SEMA3D: variants seen among roughly 807,000 people sequenced by gnomAD.
SEMA3D encodes the protein semaphorin-3D.
SEMA3D carries 84 observed loss-of-function variants against 100.1 expected under a neutral mutation model. That is an observed-to-expected ratio of 0.84 (90% CI 0.70 to 1.01). SEMA3D has a LOEUF of 1.01. Ranked by LOEUF, SEMA3D falls within the 50% of genes least tolerant of loss-of-function variation. The probability of loss-of-function intolerance (pLI) is 0.00; values close to 1 mark genes in which losing one functional copy is unlikely to be tolerated. For synonymous variants in SEMA3D, 312 were observed against 320.7 expected (o/e 0.97, Z 0.29); for missense variants, 875 against 934.1 (o/e 0.94, Z 0.82).
At chr7:85,162,740 C>T (rs1031040202) in intron 1 of SEMA3D, among the ~76,000 whole-genome samples, 1 of 152,062 alleles carries the variant, frequency 6.6e-6, no homozygotes, top group Admixed American at 6.6e-5. Flanking sequence ...GTCAAGTTTC[C>T]AGAAACTGAA....
intron 8 of SEMA3D, among the ~76,000 whole-genome samples, chr7:85,059,425 A>G (rs1791413334): frequency 6.6e-6 from 1 of 152,178 alleles, no homozygotes; most frequent in South Asian, 2.1e-4. Flanking sequence ...CTTCACAAAT[A>G]TGTGGGATTA....
At chr7:85,173,184 A>G (rs577619499) in intron 1 of SEMA3D, among the ~76,000 whole-genome samples, 79 of 152,192 alleles carry the variant, frequency 5.2e-4, no homozygotes, top group Admixed American at 1.1e-3. Context: ...ATATACATTG[A>G]ACATTTGAGG....
chr7:85,020,441 G>T (rs777098302), intron 13 of SEMA3D, 120 bp from the exon 14 acceptor site: 3 of 679,098 alleles, frequency 4.4e-6, no homozygotes, highest in Non-Finnish European at 7.6e-6. Flanking sequence ...TCAAAAAACA[G>T]ATTAAATGAA....
At chr7:85,147,446 G>A (rs1790249487) in intron 2 of SEMA3D, among the ~76,000 whole-genome samples, 1 of 151,842 alleles carries the variant, frequency 6.6e-6, no homozygotes, top group African/African-American at 2.4e-5. Flanking sequence ...CACCATGCCT[G>A]GCCTCTGTCA....
intron 9 of SEMA3D, among the ~76,000 whole-genome samples, chr7:85,043,167 G>A (rs1425668713): frequency 1.3e-5 from 2 of 152,022 alleles, no homozygotes; most frequent in African/African-American, 4.8e-5. Context: ...AGACCAGTAT[G>A]GTCAACATAG....
chr7:85,112,719 A>G (rs188479599), intron 3 of SEMA3D, among the ~76,000 whole-genome samples: 13 of 152,296 alleles, frequency 8.5e-5, no homozygotes, highest in Admixed American at 7.8e-4. Context: ...TGTGAGACTT[A>G]TACATGATAA....
intron 12 of SEMA3D, among the ~76,000 whole-genome samples, chr7:85,027,311 C>T (rs1016293672): frequency 2.6e-5 from 4 of 152,018 alleles, no homozygotes; most frequent in African/African-American, 9.7e-5. Context: ...TCAGACACAT[C>T]TACACGTATA....
At chr7:85,016,938 A>C (rs560796952) in intron 15 of SEMA3D, among the ~76,000 whole-genome samples, 17 of 151,582 alleles carry the variant, frequency 1.1e-4, no homozygotes, top group Middle Eastern at 3.4e-3. Context: ...ATTGTTTTTA[A>C]GATATGCTGC....
chr7:85,015,311 G>A (rs1790068026), intron 15 of SEMA3D, 95 bp from the exon 16 acceptor site: 1 of 1,152,510 alleles, frequency 8.7e-7, no homozygotes, highest in Admixed American at 2.0e-5. Context: ...ATATAAATCT[G>A]TTTCTCTGGG....
At chr7:85,134,894 A>C (rs1307647488) in intron 2 of SEMA3D, among the ~76,000 whole-genome samples, 1 of 152,054 alleles carries the variant, frequency 6.6e-6, no homozygotes, top group Non-Finnish European at 1.5e-5. Flanking sequence ...ACTAGAAAGA[A>C]CTATAGATGT....
At chr7:85,069,880 A>G (rs1791724983) in intron 6 of SEMA3D, among the ~76,000 whole-genome samples, 1 of 152,338 alleles carries the variant, frequency 6.6e-6, no homozygotes, top group Non-Finnish European at 1.5e-5. Context: ...ATATTATTTT[A>G]TAGAAATATG....
chr7:85,008,187 A>C (rs1405139783), intron 17 of SEMA3D, among the ~76,000 whole-genome samples: 1 of 151,778 alleles, frequency 6.6e-6, no homozygotes, highest in East Asian at 1.9e-4. Context: ...TTTCCTGAGA[A>C]AGGGATTTTG....
chr7:85,223,803 G>A, the SEMA3D span, among the ~76,000 whole-genome samples: 262 of 151,950 alleles, frequency 1.7e-3, 1 homozygote, highest in African/African-American at 5.9e-3. Flanking sequence ...TACACATTGG[G>A]TACAGTGTGC....
chr7:85,137,840 T>C (rs889942776), intron 2 of SEMA3D, among the ~76,000 whole-genome samples: 1 of 152,138 alleles, frequency 6.6e-6, no homozygotes, highest in African/African-American at 2.4e-5. Context: ...ATTATATTCA[T>C]TTCCTTCTTC....
chr7:85,125,937 AC>A (rs1200973748), intron 2 of SEMA3D, among the ~76,000 whole-genome samples: 1 of 152,002 alleles, frequency 6.6e-6, no homozygotes, highest in East Asian at 1.9e-4. Context: ...AACAAGCTTG[AC>A]CTGGAGCCAA....
At chr7:85,129,839 A>G (rs1789672929) in intron 2 of SEMA3D, among the ~76,000 whole-genome samples, 1 of 152,130 alleles carries the variant, frequency 6.6e-6, no homozygotes, top group Non-Finnish European at 1.5e-5. Context: ...AACAGCAAAC[A>G]TTTAATCTAA....
intron 8 of SEMA3D, among the ~76,000 whole-genome samples, chr7:85,063,346 C>T (rs945773921): frequency 1.3e-5 from 2 of 152,196 alleles, no homozygotes; most frequent in Non-Finnish European, 2.9e-5. Flanking sequence ...TGGCTTTTAA[C>T]TGCTAAGCAG....
At chr7:85,171,502 G>A (rs1162710819) in intron 1 of SEMA3D, among the ~76,000 whole-genome samples, 2 of 151,898 alleles carry the variant, frequency 1.3e-5, no homozygotes, top group African/African-American at 2.4e-5. Context: ...TTCCCTACCT[G>A]TGTTCATTCC....
intron 1 of SEMA3D, among the ~76,000 whole-genome samples, chr7:85,176,805 G>T (rs1227949941): frequency 1.3e-5 from 2 of 149,520 alleles, no homozygotes; most frequent in African/African-American, 2.4e-5. Flanking sequence ...GAGAGAGAGA[G>T]AGAGAGAGAG....
Sources: allele counts gnomAD v4.1 joint callset (sites outside exome capture counted in the v4.1 genomes callset), GRCh38; gene constraint gnomAD v4.1.1; transcripts MANE v1.5; gene names NCBI Gene and HGNC (gene_info 2026-07-23, HGNC 2026-07-21).